The following SMIM8 variants were observed in gnomAD, a reference collection of about 807,000 sequenced individuals.
SMIM8 encodes the protein UPF0708 protein C6orf162.
In SMIM8, 8 loss-of-function variants were observed where a neutral mutation model predicts 8.1. The observed-to-expected ratio is 0.99, with a 90% CI of 0.58 to 1.78. The LOEUF (loss-of-function observed/expected upper bound fraction) is 1.78, where lower values mean the gene tolerates loss of function less well. Ranked by LOEUF, SMIM8 falls within the 40% of genes most tolerant of loss-of-function variation. The probability of loss-of-function intolerance (pLI) is 0.00; values close to 1 mark genes in which losing one functional copy is unlikely to be tolerated. For missense variants in SMIM8, 126 were observed against 119.8 expected (o/e 1.05, Z -0.24); for synonymous variants, 45 against 39.7 (o/e 1.13, Z -0.50).
At chr6:87,336,122 G>A (rs1777109614) in intron 2 of SMIM8, among the ~76,000 whole-genome samples, 2 of 152,080 alleles carry the variant, frequency 1.3e-5, no homozygotes, top group South Asian at 2.1e-4. Context: ...ACTGTACAGC[G>A]ATTGCAGCAT....
At chr6:87,334,188 T>C (rs1396225950) in intron 2 of SMIM8, among the ~76,000 whole-genome samples, 11 of 152,152 alleles carry the variant, frequency 7.2e-5, no homozygotes, top group Admixed American at 7.2e-4. Flanking sequence ...CCCACCAGGC[T>C]CCACCTTCAA....
intron 1 of SMIM8, among the ~76,000 whole-genome samples, chr6:87,323,749 C>A (rs1165565293): frequency 6.6e-6 from 1 of 152,064 alleles, no homozygotes; most frequent in Non-Finnish European, 1.5e-5. Context: ...GTGCTTGTGT[C>A]TTTACAGCAG....
intron 1 of SMIM8, among the ~76,000 whole-genome samples, chr6:87,329,502 T>C (rs1039772906): frequency 1.5e-5 from 2 of 132,856 alleles, no homozygotes; most frequent in Non-Finnish European, 3.1e-5. Context: ...TTCAAACTCC[T>C]GACCTCAAGT....
At chr6:87,329,788 C>T (rs1271813493) in intron 1 of SMIM8, among the ~76,000 whole-genome samples, 2 of 152,020 alleles carry the variant, frequency 1.3e-5, no homozygotes, top group Non-Finnish European at 2.9e-5. Context: ...TAGGTGATCG[C>T]ACCCTCCTGG....
At chr6:87,324,567 A>T (rs1776767913) in intron 1 of SMIM8, among the ~76,000 whole-genome samples, 1 of 151,102 alleles carries the variant, frequency 6.6e-6, no homozygotes, top group Admixed American at 6.6e-5. Context: ...TTTGTCAAAG[A>T]TCAGATAGTT....
At chr6:87,323,097 C>T (rs1425932365) in intron 1 of SMIM8, 3 of 141,600 alleles carry the variant, frequency 2.1e-5, no homozygotes, top group Admixed American at 2.0e-4. Flanking sequence ...TGGAGGCTTC[C>T]AATGCGTCTG....
intron 2 of SMIM8, among the ~76,000 whole-genome samples, chr6:87,335,118 G>A (rs1257591492): frequency 4.6e-5 from 7 of 152,200 alleles, no homozygotes; most frequent in Non-Finnish European, 1.0e-4. Flanking sequence ...CATGATTGCA[G>A]AGACTTGGTG....
At chr6:87,337,260 T>C in intron 3 of SMIM8, 94 bp downstream of exon 3, 1 of 1,397,424 alleles carries the variant, frequency 7.2e-7, no homozygotes, top group Non-Finnish European at 9.5e-7. Flanking sequence ...TCATGGAAAT[T>C]TTATGTTGAC....
chr6:87,338,500 A>G (rs994374333), intron 3 of SMIM8, among the ~76,000 whole-genome samples: 3 of 152,228 alleles, frequency 2.0e-5, no homozygotes, highest in Non-Finnish European at 2.9e-5. Context: ...GTTGAACTAC[A>G]GAGTATGAGT....
Position 87,340,194 on chromosome 6 carries a change from G to A in SMIM8, c.214G>A (p.Glu72Lys). 1 of 1,611,222 alleles carries A rather than the reference G, an allele frequency of 6.2e-7. No homozygotes were observed. The highest frequency in any genetic ancestry group is 8.5e-7 in the Non-Finnish European group (1 of 1,179,078). ...AYIGYLHAIQ[E>K]NKKDLYEAID... ...TATTGGTTATCTACATGCAATACAA[G>A]AGAATAAAAAGGACCTCTATGAAGC... The change falls in exon 4 of 4, where the codon GAG becomes AAG. Residue 72 changes from glutamate (E) to lysine (K), a missense_variant. Glu to Lys is a moderately conservative substitution (Grantham distance 56, BLOSUM62 1). Coordinates refer to ENST00000392863, the MANE Select transcript of SMIM8 (RefSeq NM_001042493.3).
chr6:87,339,973 A>G, intron 3 of SMIM8, 143 bp from the exon 4 acceptor site: 1 of 593,960 alleles, frequency 1.7e-6, no homozygotes, highest in Non-Finnish European at 2.8e-6. Context: ...GAACTGAATA[A>G]ATGATTTTAA....
At chr6:87,332,717 A>G (rs1201364297) in intron 2 of SMIM8, among the ~76,000 whole-genome samples, 2 of 22,624 alleles carry the variant, frequency 8.8e-5, no homozygotes, top group Non-Finnish European at 2.0e-4. Flanking sequence ...CATCTTTTCC[A>G]TCACCTTGGA....
rs138854842 is a variant in SMIM8 at position 87,336,718 on chromosome 6, G to A, written c.-23-291G>A. ...TCATAGTCTTGGTTGCATATGATACGACGTGACTCAGAGCAACAAACAATT... is the reference window on the plus strand; with the variant it reads ...TCATAGTCTTGGTTGCATATGATACAACGTGACTCAGAGCAACAAACAATT... On this transcript the variant is annotated intron_variant, in intron 2 of 3. Coordinates refer to ENST00000392863, the MANE Select transcript of SMIM8 (RefSeq NM_001042493.3). Among the ~76,000 whole-genome samples, 857 of 152,068 alleles carry A rather than the reference G, an allele frequency of 5.6e-3. 8 individuals carry two copies. Among genetic ancestry groups the A allele is most frequent in the African/African-American group, 0.02 (820 of 41,372 alleles).
intron 1 of SMIM8, among the ~76,000 whole-genome samples, chr6:87,328,146 A>G (rs993480013): frequency 5.9e-5 from 9 of 152,240 alleles, no homozygotes; most frequent in African/African-American, 1.7e-4. Context: ...TATTCTAGTT[A>G]TACATTCTTC....
chr6:87,341,298 A>G lies in SMIM8; in HGVS notation c.*1024A>G. 2.5e-6 allele frequency: 1 copy of G among 398,620 alleles called. No homozygotes were observed. 24.7% of individuals were successfully genotyped at this position (398,620 alleles called of 1,614,324 possible). On this transcript the variant is annotated 3_prime_UTR_variant, in exon 4 of 4. Transcript: ENST00000392863. ...GGAAGTGGGGACAGAAATGGGGGTA[A>G]AAATGAGTGTAAACAAAGCCTAGCC...
intron 2 of SMIM8, among the ~76,000 whole-genome samples, chr6:87,332,222 A>G (rs1777009465): frequency 6.6e-6 from 1 of 151,506 alleles, no homozygotes; most frequent in African/African-American, 2.4e-5. Context: ...ATTTCATAAC[A>G]CTCAGCATCA....
chr6:87,332,372 T>G (rs1777015282), intron 2 of SMIM8, among the ~76,000 whole-genome samples: 1 of 148,632 alleles, frequency 6.7e-6, no homozygotes, highest in African/African-American at 2.5e-5. Context: ...CTGAATAGAT[T>G]AATGCCCTCC....
chr6:87,335,398 G>A (rs77285601), intron 2 of SMIM8, among the ~76,000 whole-genome samples: 1 of 152,162 alleles, frequency 6.6e-6, no homozygotes, highest in African/African-American at 2.4e-5. Flanking sequence ...CCAGAAAGCC[G>A]TGGTGATAGC....
intron 2 of SMIM8, among the ~76,000 whole-genome samples, chr6:87,334,085 C>G (rs919241622): frequency 3.9e-5 from 6 of 152,164 alleles, no homozygotes; most frequent in African/African-American, 1.4e-4. Flanking sequence ...ACAACCAGAT[C>G]TCACATGAAC....
Sources: allele counts gnomAD v4.1 joint callset (sites outside exome capture counted in the v4.1 genomes callset), GRCh38; gene constraint gnomAD v4.1.1; transcripts MANE v1.5; gene names NCBI Gene and HGNC (gene_info 2026-07-23, HGNC 2026-07-21).